The following COL23A1 variants were observed in gnomAD, a reference collection of about 807,000 sequenced individuals.
The protein encoded by COL23A1 is collagen type XXIII alpha 1 chain.
Under a neutral mutation model 99.3 loss-of-function variants are expected in COL23A1, and 97 were observed. The ratio of observed to expected loss-of-function variants is 0.98; its 90% CI spans 0.83 to 1.16. COL23A1 has a LOEUF of 1.16. Ranked by LOEUF, COL23A1 falls within the 50% of genes most tolerant of loss-of-function variation. The probability of loss-of-function intolerance (pLI) is 0.00; values close to 1 mark genes in which losing one functional copy is unlikely to be tolerated. For synonymous variants in COL23A1, 320 were observed against 308.2 expected, an observed-to-expected ratio of 1.04 and a Z score of -0.40; for missense variants, 762 against 757.4, an observed-to-expected ratio of 1.01 and a Z score of -0.07.
At chr5:178,318,286 C>T (rs1759084698) in intron 2 of COL23A1, among the ~76,000 whole-genome samples, 1 of 152,226 alleles carries the variant, frequency 6.6e-6, no homozygotes, top group African/African-American at 2.4e-5. Flanking sequence ...CGGTGCCTTC[C>T]AGCAGAGACT....
intron 2 of COL23A1, among the ~76,000 whole-genome samples, chr5:178,420,660 T>C (rs1292982121): frequency 5.3e-5 from 1 of 18,770 alleles, no homozygotes; most frequent in Admixed American, 8.1e-4. Flanking sequence ...CCCCTGCCCC[T>C]CCTCTCTTTC....
chr5:178,363,575 G>A (rs1279280417), intron 2 of COL23A1, among the ~76,000 whole-genome samples: 1 of 152,168 alleles, frequency 6.6e-6, no homozygotes. Flanking sequence ...AAACACATTA[G>A]GACGTTTTGG....
At chr5:178,402,922 G>GC (rs1554159390) in intron 2 of COL23A1, among the ~76,000 whole-genome samples, 2 of 151,106 alleles carry the variant, frequency 1.3e-5, no homozygotes, top group African/African-American at 4.9e-5. Flanking sequence ...ACACAAAAAC[G>GC]TGAGTGAATG....
At position 178,246,459 on chromosome 5, in the gene COL23A1, G is replaced by A. The variant is rs1193217215; in HGVS notation, c.1297-6C>T. ...CCCTTTGCTCCATCCAAGCCCTGGA[G>A]GCAAAGGAGGGAAATCAGTCAAGGG... On this transcript the variant is annotated splice_region_variant and splice_polypyrimidine_tract_variant and intron_variant, in intron 22 of 28. Coordinates refer to ENST00000390654, the MANE Select transcript of COL23A1 (RefSeq NM_173465.4). 2 of 1,561,672 alleles carry A rather than the reference G, an allele frequency of 1.3e-6. No homozygotes were observed. The highest frequency in any genetic ancestry group is 1.7e-6 in the Non-Finnish European group (2 of 1,152,034).
At chr5:178,499,372 C>G (rs1325294672) in intron 2 of COL23A1, among the ~76,000 whole-genome samples, 1 of 152,190 alleles carries the variant, frequency 6.6e-6, no homozygotes, top group Non-Finnish European at 1.5e-5. Context: ...ATGACTCAAG[C>G]TCAACATCAG....
At chr5:178,516,502 T>C (rs1359962287) in intron 2 of COL23A1, among the ~76,000 whole-genome samples, 1 of 152,156 alleles carries the variant, frequency 6.6e-6, no homozygotes, top group Non-Finnish European at 1.5e-5. Context: ...CTCTCCGGCA[T>C]TCCCTCCAAG....
At chr5:178,440,707 C>T (rs1766819507) in intron 2 of COL23A1, among the ~76,000 whole-genome samples, 1 of 147,280 alleles carries the variant, frequency 6.8e-6, no homozygotes, top group Non-Finnish European at 1.5e-5. Flanking sequence ...CCTCTGCCTC[C>T]CAGGTTCAAG....
At chr5:178,338,801 A>T (rs1760497411) in intron 2 of COL23A1, among the ~76,000 whole-genome samples, 1 of 152,214 alleles carries the variant, frequency 6.6e-6, no homozygotes, top group Non-Finnish European at 1.5e-5. Flanking sequence ...AGGGCGACCA[A>T]GTGCCCACAC....
chr5:178,559,517 G>C (rs1169302300), intron 2 of COL23A1, among the ~76,000 whole-genome samples: 2 of 146,790 alleles, frequency 1.4e-5, no homozygotes, highest in Non-Finnish European at 3.0e-5. Flanking sequence ...CGAGAAGTCT[G>C]AGACACATCA....
chr5:178,297,878 G>A (rs1757830580), intron 3 of COL23A1, among the ~76,000 whole-genome samples: 1 of 152,202 alleles, frequency 6.6e-6, no homozygotes, highest in Non-Finnish European at 1.5e-5. Flanking sequence ...CTTGTACTAG[G>A]TTTGTGCTGT....
chr5:178,567,414 T>C (rs992997950), intron 1 of COL23A1, among the ~76,000 whole-genome samples: 3 of 151,760 alleles, frequency 2.0e-5, no homozygotes, highest in Non-Finnish European at 4.4e-5. Context: ...TACAAAGGGG[T>C]TGGGGTCAGG....
intron 2 of COL23A1, among the ~76,000 whole-genome samples, chr5:178,481,131 C>CAAAAAAAAAA (rs10625763): frequency 8.8e-5 from 9 of 102,296 alleles, no homozygotes; most frequent in Non-Finnish European, 1.2e-4. Context: ...GACTGTCTCT[C>CAAAAAAAAAA]AAAAAAAAAA....
In COL23A1 at chr5:178,584,090, A is replaced by G. The variant is rs1268136911; in HGVS notation, c.294+5814T>C. Among the ~76,000 whole-genome samples, 4 of 152,138 alleles carry G rather than the reference A, an allele frequency of 2.6e-5. 1 individual carries two copies. The highest frequency in any genetic ancestry group is 9.7e-5 in the African/African-American group (4 of 41,424). On this transcript the variant is annotated intron_variant, in intron 1 of 28. Coordinates refer to ENST00000390654, the MANE Select transcript of COL23A1 (RefSeq NM_173465.4). ...GAGTACAGTGCCATGATCTTGGCCC[A>G]CTGCAACCTCCGCCTGCCGGATTCA...
chr5:178,271,135 G>A (rs1020915181), intron 5 of COL23A1, among the ~76,000 whole-genome samples: 1 of 152,168 alleles, frequency 6.6e-6, no homozygotes, highest in African/African-American at 2.4e-5. Flanking sequence ...AGCAGCCCGT[G>A]CCAGACACCC....
Position 178,263,268 on chromosome 5 carries a change from C to T in COL23A1, c.579G>A (p.Gly193=), listed in dbSNP as rs369819583. 2.0e-5 allele frequency: 32 copies of T among 1,613,018 alleles called. No individual in the cohort carries two copies. Among genetic ancestry groups the T allele is most frequent in the African/African-American group, 2.7e-5 (2 of 74,838 alleles). The change falls in exon 9 of 29, where the codon GGG becomes GGA. Residue 193 remains glycine (G), a synonymous_variant. Coordinates refer to ENST00000390654, the MANE Select transcript of COL23A1 (RefSeq NM_173465.4). ...CAGTGTCGCCAGGAGGGCCCCGGGC[C>T]CCAGGAGGTCCAGGGGGCCCCGGAG... is the stretch of plus-strand genomic sequence containing the variant. ...AGPPGPPGPP[G]ARGPPGDTGK...
chr5:178,561,044 G>C (rs1262534526), intron 1 of COL23A1, among the ~76,000 whole-genome samples: 3 of 152,226 alleles, frequency 2.0e-5, no homozygotes, highest in Non-Finnish European at 4.4e-5. Context: ...ACAGCGTCCT[G>C]CAAGTCAAAA....
intron 2 of COL23A1, among the ~76,000 whole-genome samples, chr5:178,556,491 C>T (rs1762280069): frequency 6.6e-6 from 1 of 150,852 alleles, no homozygotes; most frequent in African/African-American, 2.4e-5. Flanking sequence ...GGCGTGGTGG[C>T]AGGCATCTGT....
At chr5:178,256,968 G>C (rs769568834) in intron 13 of COL23A1, 40 bp from the exon 14 acceptor site, 1 of 1,596,258 alleles carries the variant, frequency 6.3e-7, no homozygotes, top group South Asian at 1.1e-5. Flanking sequence ...AGTGTGAGAC[G>C]GCACGTGGCG....
intron 2 of COL23A1, among the ~76,000 whole-genome samples, chr5:178,491,134 A>C (rs1757913260): frequency 6.6e-6 from 1 of 151,896 alleles, no homozygotes; most frequent in African/African-American, 2.4e-5. Context: ...AGGAGAGGAG[A>C]CAAAGAGATA....
Sources: allele counts gnomAD v4.1 joint callset (sites outside exome capture counted in the v4.1 genomes callset), GRCh38; gene constraint gnomAD v4.1.1; transcripts MANE v1.5; gene names NCBI Gene and HGNC (gene_info 2026-07-23, HGNC 2026-07-21).